Variants in PHKB observed in about 807,000 individuals in gnomAD.
PHKB encodes the protein phosphorylase kinase regulatory subunit beta.
A neutral mutation model predicts 152.1 loss-of-function variants in PHKB; 122 were observed. The ratio of observed to expected loss-of-function variants is 0.80; its 90% confidence interval spans 0.69 to 0.93. The LOEUF is 0.93. Among genes scored for constraint, PHKB ranks in the 40% least tolerant of loss-of-function variants. The pLI, the probability that PHKB is intolerant of heterozygous loss-of-function variation, is 0.00. For synonymous variants in PHKB, 436 were observed against 464.9 expected, an observed-to-expected ratio of 0.94 and a Z score of 0.80; for missense variants, 1,304 against 1,328.4, an observed-to-expected ratio of 0.98 and a Z score of 0.29.
intron 7 of PHKB, among the ~76,000 whole-genome samples, chr16:47,579,624 G>T (rs1028691040): frequency 6.6e-6 from 1 of 152,110 alleles, no homozygotes; most frequent in African/African-American, 2.4e-5. Flanking sequence ...CTTAAAAGAT[G>T]ATATCATATT....
intron 20 of PHKB, among the ~76,000 whole-genome samples, chr16:47,655,226 A>C (rs1252770729): frequency 6.6e-6 from 1 of 152,222 alleles, no homozygotes; most frequent in Non-Finnish European, 1.5e-5. Flanking sequence ...TGTATAGATT[A>C]TTTAATATAT....
At chr16:47,497,279 G>A (rs1275227512) in intron 1 of PHKB, 120 bp from the exon 2 acceptor site, 2 of 692,320 alleles carry the variant, frequency 2.9e-6, no homozygotes, top group Non-Finnish European at 5.1e-6. Context: ...GTAAAGTATG[G>A]TACTTCACAT....
At chr16:47,574,022 C>A (rs139258053) in intron 7 of PHKB, among the ~76,000 whole-genome samples, 1 of 152,184 alleles carries the variant, frequency 6.6e-6, no homozygotes, top group African/African-American at 2.4e-5. Flanking sequence ...CGGGTCCAAG[C>A]GATTCTCCTG....
Position 47,511,706 on chromosome 16 carries a change from T to C in PHKB, c.447T>C (p.Leu149=), listed in dbSNP as rs374963473. ...AGGATCCACGCCCAACAACATGTCT[T>C]CACTCTGTTTTCAATGTGCATACAG... ...FKQDPRPTTC[L]HSVFNVHTGD... is the part of the protein sequence containing the mutation. The change falls in exon 5 of 31, where the codon CTT becomes CTC. Residue 149 remains leucine, a synonymous_variant. Coordinates refer to ENST00000323584, the MANE Select transcript of PHKB (RefSeq NM_000293.3). The C allele has an allele frequency of 2.7e-5, 43 of 1,613,476 alleles. No individual in the cohort carries two copies. Among genetic ancestry groups the C allele is most frequent in the Non-Finnish European group, 3.4e-5 (40 of 1,179,522 alleles).
chr16:47,477,632 A>G (rs2151631872), intron 1 of PHKB, among the ~76,000 whole-genome samples: 1 of 152,338 alleles, frequency 6.6e-6, no homozygotes, highest in East Asian at 1.9e-4. Flanking sequence ...ACCTAGGTTT[A>G]TAATAGCTTT....
At chr16:47,524,246 G>A (rs1353678119) in intron 6 of PHKB, among the ~76,000 whole-genome samples, 2 of 152,106 alleles carry the variant, frequency 1.3e-5, no homozygotes, top group African/African-American at 2.4e-5. Context: ...TTGTTTTTCA[G>A]TAATTATTGT....
intron 28 of PHKB, among the ~76,000 whole-genome samples, chr16:47,695,964 CAGAA>C (rs1473711124): frequency 6.6e-6 from 1 of 152,132 alleles, no homozygotes; most frequent in Non-Finnish European, 1.5e-5. Flanking sequence ...GCTGCCAGCT[CAGAA>C]AGGAGCTGCC....
chr16:47,554,120 C>A (rs1243508662), intron 7 of PHKB, among the ~76,000 whole-genome samples: 2 of 152,160 alleles, frequency 1.3e-5, no homozygotes, highest in Non-Finnish European at 2.9e-5. Context: ...GAAGCTGCGC[C>A]CACAGCTGCC....
At chr16:47,657,611 C>G (rs954682631) in intron 20 of PHKB, among the ~76,000 whole-genome samples, 2 of 151,810 alleles carry the variant, frequency 1.3e-5, no homozygotes, top group African/African-American at 4.8e-5. Context: ...CTACAACCAA[C>G]TGAATTTTTT....
intron 1 of PHKB, chr16:47,462,371 C>G (rs962726164): frequency 2.0e-5 from 3 of 152,352 alleles, no homozygotes; most frequent in South Asian, 2.1e-4. Context: ...CGGTGGCTCA[C>G]GCCTGTAATC....
At chr16:47,686,582 T>G (rs1220097327) in intron 26 of PHKB, among the ~76,000 whole-genome samples, 1 of 152,190 alleles carries the variant, frequency 6.6e-6, no homozygotes, top group African/African-American at 2.4e-5. Context: ...AATCTGCCAG[T>G]GGGGCACAGT....
At chr16:47,567,107 GT>G (rs1232176231) in intron 7 of PHKB, among the ~76,000 whole-genome samples, 1 of 151,966 alleles carries the variant, frequency 6.6e-6, no homozygotes, top group African/African-American at 2.4e-5. Flanking sequence ...CCTTAGGATT[GT>G]TTTTTTCTAA....
intron 26 of PHKB, among the ~76,000 whole-genome samples, chr16:47,680,533 T>C (rs1944751536): frequency 2.0e-5 from 3 of 152,252 alleles, no homozygotes; most frequent in African/African-American, 7.2e-5. Context: ...CCATTTCTTC[T>C]AGATTTTCTA....
chr16:47,653,792 A>T (rs1205552739), intron 20 of PHKB, among the ~76,000 whole-genome samples: 1 of 152,184 alleles, frequency 6.6e-6, no homozygotes, highest in Non-Finnish European at 1.5e-5. Flanking sequence ...ATATTCTTGG[A>T]TGAAAAGACT....
intron 14 of PHKB, among the ~76,000 whole-genome samples, chr16:47,636,287 C>T (rs1972918722): frequency 6.6e-6 from 1 of 152,220 alleles, no homozygotes; most frequent in African/African-American, 2.4e-5. Flanking sequence ...GCAGTGGCAA[C>T]CTGTCTAGGG....
chr16:47,602,085 G>A (rs908777313), intron 13 of PHKB, among the ~76,000 whole-genome samples: 2 of 152,044 alleles, frequency 1.3e-5, no homozygotes, highest in Non-Finnish European at 2.9e-5. Context: ...AGAGACAAGA[G>A]AGTTTCACTC....
intron 26 of PHKB, chr16:47,675,756 A>G (rs1227548102): frequency 1.1e-4 from 17 of 152,020 alleles, no homozygotes; most frequent in Admixed American, 9.8e-4. Flanking sequence ...ACATGATGTC[A>G]CCTCTCCGTC....
Position 47,689,184 on chromosome 16 carries a change from G to A in PHKB, c.2765+9G>A. The stretch of plus-strand genomic sequence containing the variant: ...CCTCAACAGAATGGAAGGTAATAAG[G>A]GCCCCTTGTTACCTACATGATACTC... On this transcript the variant is annotated intron_variant, in intron 27 of 30. Transcript: ENST00000323584. 6.2e-7 allele frequency: 1 copy of A among 1,613,196 alleles called. No homozygotes were observed. Among genetic ancestry groups the A allele is most frequent in the Non-Finnish European group, 8.5e-7 (1 of 1,179,494 alleles).
chr16:47,596,778 G>A (rs576032056), intron 13 of PHKB, among the ~76,000 whole-genome samples: 1 of 152,160 alleles, frequency 6.6e-6, no homozygotes, highest in East Asian at 1.9e-4. Flanking sequence ...GGCTGCATTT[G>A]GCTTACTATA....
Sources: gnomAD v4.1 joint callset for allele counts (sites outside exome capture counted in the v4.1 genomes callset) on GRCh38, gnomAD v4.1.1 for gene constraint, MANE v1.5 for transcripts, NCBI Gene and HGNC (gene_info 2026-07-23, HGNC 2026-07-21) for gene names.